Variants in CSMD1 observed in about 807,000 individuals in gnomAD.
The protein encoded by CSMD1 is CUB and Sushi multiple domains 1, also known as CUB and sushi domain-containing protein 1.
In CSMD1, 213 loss-of-function variants were observed where a neutral mutation model predicts 417.5. That is an observed-to-expected ratio of 0.51 (90% CI 0.46 to 0.57). The LOEUF (loss-of-function observed/expected upper bound fraction) is 0.57. CSMD1 is among the 20% of genes least tolerant of loss of function. The pLI is 0.00. For missense variants in CSMD1, 6,923 were observed against 4,529.7 expected, an observed-to-expected ratio of 1.53 and a Z score of -15.17; for synonymous variants, 2,862 against 1,736.8, an observed-to-expected ratio of 1.65 and a Z score of -16.11.
chr8:4,034,992 T>G (rs1311278906), intron 3 of CSMD1, among the ~76,000 whole-genome samples: 1 of 152,224 alleles, frequency 6.6e-6, no homozygotes, highest in African/African-American at 2.4e-5. Context: ...TATACGTTTT[T>G]TCTGTTAAAA....
intron 26 of CSMD1, among the ~76,000 whole-genome samples, chr8:3,243,294 C>A (rs976076296): frequency 1.3e-5 from 2 of 152,068 alleles, no homozygotes; most frequent in Admixed American, 6.6e-5. Context: ...AAGGGAGGTC[C>A]CCCGATCCGA....
chr8:4,276,828 A>G (rs2128856309), intron 3 of CSMD1, among the ~76,000 whole-genome samples: 1 of 152,310 alleles, frequency 6.6e-6, no homozygotes, highest in Non-Finnish European at 1.5e-5. Flanking sequence ...ATCTCTTTTC[A>G]GAAATACAAT....
intron 2 of CSMD1, among the ~76,000 whole-genome samples, chr8:4,460,097 A>G (rs890662976): frequency 6.6e-6 from 1 of 152,182 alleles, no homozygotes; most frequent in Admixed American, 6.5e-5. Context: ...TCTCCACAAC[A>G]GAGCATATGC....
intron 2 of CSMD1, among the ~76,000 whole-genome samples, chr8:4,439,696 G>A (rs774867220): frequency 1.9e-4 from 29 of 152,072 alleles, no homozygotes; most frequent in South Asian, 2.1e-4. Context: ...TTAAAGGCAG[G>A]GTTTAAATTT....
intron 4 of CSMD1, among the ~76,000 whole-genome samples, chr8:4,022,178 T>G (rs1585148709): frequency 1.9e-5 from 2 of 105,072 alleles, no homozygotes; most frequent in South Asian, 7.5e-4. Flanking sequence ...ATATGTATAT[T>G]TATGTGTATA....
At chr8:3,767,779 G>C (rs563613496) in intron 5 of CSMD1, among the ~76,000 whole-genome samples, 1 of 152,158 alleles carries the variant, frequency 6.6e-6, no homozygotes, top group Non-Finnish European at 1.5e-5. Flanking sequence ...AGAGAACAGT[G>C]CTCTCATCTT....
intron 10 of CSMD1, among the ~76,000 whole-genome samples, chr8:3,562,108 T>C (rs1385726843): frequency 3.4e-5 from 5 of 145,972 alleles, no homozygotes; most frequent in African/African-American, 1.3e-4. Flanking sequence ...AACATAACCA[T>C]ATGAGGGAAA....
rs540283437 is a variant in CSMD1, at chr8:4,752,139, T to C, written c.86-114581A>G. Among the ~76,000 whole-genome samples, 484 of 152,290 alleles carry C rather than the reference T, an allele frequency of 3.2e-3. 1 individual carries two copies. Among genetic ancestry groups the C allele is most frequent in the Admixed American group, 8.4e-3 (128 of 15,288 alleles). Reference sequence around the variant, plus strand: ...ATCACATGTATATATCATATATATGTATCTCAGTTGCTCTTTAGTTCCTTA... The same window carrying C: ...ATCACATGTATATATCATATATATGCATCTCAGTTGCTCTTTAGTTCCTTA... On this transcript the variant is annotated intron_variant, in intron 1 of 69. Coordinates refer to ENST00000635120, the MANE Select transcript of CSMD1 (RefSeq NM_033225.6).
chr8:4,620,734 G>C (rs751828400), intron 2 of CSMD1, among the ~76,000 whole-genome samples: 2 of 151,726 alleles, frequency 1.3e-5, no homozygotes, highest in Non-Finnish European at 2.9e-5. Context: ...ACTATAAAAT[G>C]TTTGGCAAAT....
At chr8:3,727,171 C>G (rs1802545153) in intron 6 of CSMD1, among the ~76,000 whole-genome samples, 1 of 152,162 alleles carries the variant, frequency 6.6e-6, no homozygotes, top group South Asian at 2.1e-4. Flanking sequence ...TAAAACCATA[C>G]TTAGAGCAAT....
At chr8:3,108,083 T>G (rs943752815) in intron 44 of CSMD1, among the ~76,000 whole-genome samples, 2 of 152,250 alleles carry the variant, frequency 1.3e-5, no homozygotes, top group African/African-American at 4.8e-5. Flanking sequence ...TCTGCAAGAA[T>G]GACTCAACAG....
intron 23 of CSMD1, among the ~76,000 whole-genome samples, chr8:3,318,581 G>C (rs142473743): frequency 2.6e-5 from 4 of 152,306 alleles, no homozygotes; most frequent in East Asian, 3.9e-4. Context: ...TTAATATGCA[G>C]TATCTTTCGT....
chr8:3,705,935 G>T (rs986330778), intron 7 of CSMD1, among the ~76,000 whole-genome samples: 4 of 152,202 alleles, frequency 2.6e-5, no homozygotes, highest in African/African-American at 9.6e-5. Flanking sequence ...ATAGGCATGT[G>T]GGCAGCCAGT....
chr8:4,212,523 A>G (rs566152868), intron 3 of CSMD1, among the ~76,000 whole-genome samples: 5 of 152,196 alleles, frequency 3.3e-5, no homozygotes, highest in African/African-American at 9.6e-5. Flanking sequence ...TAGACATTAT[A>G]AAATTTTGAA....
chr8:3,172,841 T>C (rs1820667882), intron 37 of CSMD1, among the ~76,000 whole-genome samples: 1 of 152,144 alleles, frequency 6.6e-6, no homozygotes, highest in Non-Finnish European at 1.5e-5. Context: ...TGGGCAACAT[T>C]CTAAAACAAC....
intron 2 of CSMD1, among the ~76,000 whole-genome samples, chr8:4,591,899 G>A (rs1032316235): frequency 6.6e-6 from 1 of 152,202 alleles, no homozygotes; most frequent in Non-Finnish European, 1.5e-5. Flanking sequence ...TGAAAGTTGG[G>A]CAGACATTCT....
intron 8 of CSMD1, among the ~76,000 whole-genome samples, chr8:3,608,622 G>C (rs182532570): frequency 1.3e-5 from 2 of 151,850 alleles, no homozygotes; most frequent in Admixed American, 6.6e-5. Context: ...AAATTAGCCG[G>C]GCATGGTAGC....
chr8:3,713,914 T>C (rs1285305340), intron 6 of CSMD1, among the ~76,000 whole-genome samples: 1 of 152,014 alleles, frequency 6.6e-6, no homozygotes, highest in East Asian at 1.9e-4. Context: ...TCAATGCCTC[T>C]TCCAGGCAAA....
intron 23 of CSMD1, among the ~76,000 whole-genome samples, chr8:3,324,878 G>A (rs1806422890): frequency 1.3e-5 from 2 of 151,938 alleles, no homozygotes; most frequent in South Asian, 2.1e-4. Flanking sequence ...AATTGCCTTG[G>A]TATGTTTTCA....
Sources: gnomAD v4.1 joint callset for allele counts (sites outside exome capture counted in the v4.1 genomes callset) on GRCh38, gnomAD v4.1.1 for gene constraint, MANE v1.5 for transcripts, NCBI Gene and HGNC (gene_info 2026-07-23, HGNC 2026-07-21) for gene names.